AS3MT: variants seen among roughly 807,000 people sequenced by gnomAD.
AS3MT encodes arsenite methyltransferase.
AS3MT carries 47 observed loss-of-function variants against 45.3 expected under a neutral mutation model. That is an observed-to-expected ratio of 1.04 (90% CI 0.82 to 1.32). The LOEUF is 1.32. Ranked by LOEUF, AS3MT falls within the 40% of genes most tolerant of loss-of-function variation. AS3MT has a pLI of 0.00. For synonymous variants in AS3MT, 141 were observed against 152.8 expected (o/e 0.92, Z 0.57); for missense variants, 396 against 451.1 (o/e 0.88, Z 1.11).
intron 9 of AS3MT, among the ~76,000 whole-genome samples, chr10:102,879,950 T>C (rs1029489581): frequency 2.0e-5 from 3 of 152,142 alleles, no homozygotes; most frequent in East Asian, 1.9e-4. Flanking sequence ...GCAGATATTA[T>C]GACATTTTAC....
intron 9 of AS3MT, among the ~76,000 whole-genome samples, chr10:102,886,311 T>TCTTC (rs1291212887): frequency 7.4e-6 from 1 of 135,534 alleles, no homozygotes; most frequent in Non-Finnish European, 1.6e-5. Context: ...CTCCCTCCCT[T>TCTTC]CTTCCTTCCT....
chr10:102,894,503 G>A (rs1235386779), intron 10 of AS3MT, among the ~76,000 whole-genome samples: 1 of 151,840 alleles, frequency 6.6e-6, no homozygotes, highest in Non-Finnish European at 1.5e-5. Context: ...CCCTCCTGTC[G>A]GGCAAAGGCA....
intron 9 of AS3MT, among the ~76,000 whole-genome samples, chr10:102,884,038 G>C (rs1195847133): frequency 1.3e-5 from 2 of 148,496 alleles, no homozygotes; most frequent in Non-Finnish European, 3.0e-5. Flanking sequence ...GAGTGCAGTG[G>C]CACAATCTCG....
intron 9 of AS3MT, among the ~76,000 whole-genome samples, chr10:102,879,980 C>T (rs951600682): frequency 4.6e-5 from 7 of 151,792 alleles, no homozygotes; most frequent in East Asian, 3.9e-4. Flanking sequence ...TTTCAGCATG[C>T]GTCCCATAGG....
intron 9 of AS3MT, among the ~76,000 whole-genome samples, chr10:102,885,254 CTTAT>C (rs1844929950): frequency 6.6e-6 from 1 of 152,178 alleles, no homozygotes. Flanking sequence ...TTGAGGTTGG[CTTAT>C]TTCTCTTAAC....
chr10:102,879,124 T>C, intron 9 of AS3MT, 133 bp downstream of exon 9: 2 of 1,022,262 alleles, frequency 2.0e-6, no homozygotes, highest in Non-Finnish European at 2.8e-6. Context: ...TAAATGTATG[T>C]GTGTGTTTCA....
intron 1 of AS3MT, 70 bp from the exon 2 acceptor site, chr10:102,869,735 T>C: frequency 6.2e-7 from 1 of 1,612,704 alleles, no homozygotes; most frequent in Non-Finnish European, 8.5e-7. Context: ...GCCTGCCCTT[T>C]ACTGGCCCCC....
rs185578275 is a variant in AS3MT, at chr10:102,879,822, T to G, written c.885+831T>G. ...GAATACAGAAAAGTTAATAGTACAA[T>G]GAATACCCACATAGGCATTACCTAT... On this transcript the variant is annotated intron_variant, in intron 9 of 10. Coordinates refer to ENST00000369880, the MANE Select transcript of AS3MT (RefSeq NM_020682.4). Among the ~76,000 whole-genome samples, 521 of 147,892 alleles carry G rather than the reference T, an allele frequency of 3.5e-3. 7 individuals are homozygous for G. The highest frequency in any genetic ancestry group is 3.7e-3 in the Non-Finnish European group (250 of 66,748).
At chr10:102,893,721 G>A (rs544574580) in intron 10 of AS3MT, among the ~76,000 whole-genome samples, 2 of 151,918 alleles carry the variant, frequency 1.3e-5, no homozygotes, top group African/African-American at 2.4e-5. Context: ...GGCTGGTCTC[G>A]AACTCCTTAC....
chr10:102,872,657 T>C lies in AS3MT; in HGVS notation c.321+59T>C, dbSNP rs147889757. 2,195 of 1,544,204 alleles carry C rather than the reference T, an allele frequency of 1.4e-3. 28 individuals are homozygous for C. The highest frequency in any genetic ancestry group is 3.2e-3 in the East Asian group (142 of 44,126). ...ATTCTCAAAAGCATTATTTGAAAAA[T>C]AAAGTTGTTTTCTTCGTGGCTCTTC... On this transcript the variant is annotated intron_variant, in intron 4 of 10. Transcript: ENST00000369880.
chr10:102,874,446 T>C lies in AS3MT; in HGVS notation c.459-146T>C, dbSNP rs1277449788. On this transcript the variant is annotated intron_variant, in intron 5 of 10. Coordinates refer to ENST00000369880, the MANE Select transcript of AS3MT (RefSeq NM_020682.4). Reference sequence around the variant, plus strand: ...TCTCTGATCTTGGGGAAAAGCTTAGTTGAAGGCATTAGAAAGAGAGGAGGG... The same window carrying C: ...TCTCTGATCTTGGGGAAAAGCTTAGCTGAAGGCATTAGAAAGAGAGGAGGG... The C allele has an allele frequency of 6.6e-6, 4 of 606,998 alleles. No homozygotes were observed. In the African/African-American group the frequency reaches 7.4e-5, roughly 11 times the overall value. 37.6% of individuals were successfully genotyped at this position (606,998 alleles called of 1,614,324 possible).
chr10:102,878,551 T>G (rs1844823629), intron 8 of AS3MT, 41 bp downstream of exon 8: 1 of 1,602,754 alleles, frequency 6.2e-7, no homozygotes, highest in Admixed American at 1.7e-5. Flanking sequence ...TAACTACAGC[T>G]TGAATGATTG....
chr10:102,873,392 T>C (rs1349256369), intron 5 of AS3MT, among the ~76,000 whole-genome samples, 159 bp downstream of exon 5: 6 of 152,134 alleles, frequency 3.9e-5, no homozygotes, highest in Admixed American at 2.0e-4. Flanking sequence ...CTGATTCTCT[T>C]GCCTCAGCCT....
At chr10:102,886,482 G>A (rs565378524) in intron 9 of AS3MT, among the ~76,000 whole-genome samples, 26 of 151,708 alleles carry the variant, frequency 1.7e-4, no homozygotes, top group East Asian at 9.7e-4. Context: ...GCACCACCAC[G>A]CCTGGCTAAT....
chr10:102,888,791 T>C (rs1845001936), intron 9 of AS3MT, among the ~76,000 whole-genome samples: 1 of 150,474 alleles, frequency 6.6e-6, no homozygotes, highest in African/African-American at 2.4e-5. Flanking sequence ...CAATATATTA[T>C]TGTAAACTAG....
Position 102,872,492 on chromosome 10 carries a change from G to C in AS3MT, c.215G>C (p.Cys72Ser). Residue 72 changes from cysteine (C) to serine (S), a missense_variant, in exon 4 of 11, where the codon TGC becomes TCC. Physicochemically the swap from Cys to Ser is moderately radical, Grantham distance 112 (BLOSUM62 -1). Coordinates refer to ENST00000369880, the MANE Select transcript of AS3MT (RefSeq NM_020682.4). ...GLVIPEHLEN[C>S]WILDLGSGSG... ...GTGATCCCTGAGCATCTAGAAAACT[G>C]CTGGATTTTGGATCTGGGTAGTGGA... is the stretch of plus-strand genomic sequence containing the variant. 1.9e-6 allele frequency: 3 copies of C among 1,614,070 alleles called. No homozygotes were observed. Among genetic ancestry groups the C allele is most frequent in the Non-Finnish European group, 2.5e-6 (3 of 1,179,998 alleles).
intron 10 of AS3MT, among the ~76,000 whole-genome samples, chr10:102,894,441 A>T (rs201244466): frequency 0.3 from 44,955 of 151,218 alleles, 6,887 homozygotes; most frequent in East Asian, 0.47. Context: ...AAAAAAAATA[A>T]AAAAATAAAA....
chr10:102,888,798 C>G (rs937375564), intron 9 of AS3MT, among the ~76,000 whole-genome samples: 2 of 147,320 alleles, frequency 1.4e-5, no homozygotes, highest in African/African-American at 5.0e-5. Flanking sequence ...TTATTGTAAA[C>G]TAGTCACTTT....
rs1845029949 is a variant in AS3MT at position 102,889,641 on chromosome 10, TTCCTTTCTTCC to T, written c.886-901_886-891del. On this transcript the variant is annotated intron_variant, in intron 9 of 10. Transcript: ENST00000369880. ...CTTCCTTCCTTCCTTCCTTCCTTCC[TTCCTTTCTTCC>T]TTCCTTCCTTCCCTTCCTCCCTCCA... is the stretch of plus-strand genomic sequence containing the variant. Among the ~76,000 whole-genome samples the T allele has an allele frequency of 5.7e-5, 8 of 140,904 alleles. 1 individual carries two copies. The South Asian group carries it at 1.9e-3, about 33-fold the overall frequency. The allele number at this position is 140,904 out of a possible 152,430, so 92.4% of individuals were successfully genotyped here.
Sources: gnomAD v4.1 joint callset for allele counts (sites outside exome capture counted in the v4.1 genomes callset) on GRCh38, gnomAD v4.1.1 for gene constraint, MANE v1.5 for transcripts, NCBI Gene and HGNC (gene_info 2026-07-23, HGNC 2026-07-21) for gene names.